PCDHGA2: variants seen among roughly 807,000 people sequenced by gnomAD.
PCDHGA2 encodes the protein protocadherin gamma subfamily A, 2.
Under a neutral mutation model 59.2 loss-of-function variants are expected in PCDHGA2, and 40 were observed. The observed-to-expected ratio is 0.68, with a 90% CI of 0.52 to 0.88. The LOEUF is 0.88. Ranked by LOEUF, PCDHGA2 falls within the 40% of genes least tolerant of loss-of-function variation. The pLI, the probability that PCDHGA2 is intolerant of heterozygous loss-of-function variation, is 0.00. For synonymous variants in PCDHGA2, 560 were observed against 526.0 expected, an observed-to-expected ratio of 1.06 and a Z score of -0.89; for missense variants, 1,226 against 1,204.0, an observed-to-expected ratio of 1.02 and a Z score of -0.27.
chr5:141,471,058 T>C (rs991869999), intron 1 of PCDHGA2, among the ~76,000 whole-genome samples: 2 of 149,826 alleles, frequency 1.3e-5, no homozygotes, highest in Non-Finnish European at 3.0e-5. Context: ...TTTTTTTTTT[T>C]TTTTTTTTGA....
At chr5:141,424,491 G>T (rs2096824224) in intron 1 of PCDHGA2, 1 of 152,122 alleles carries the variant, frequency 6.6e-6, no homozygotes, top group South Asian at 2.1e-4. Context: ...GTCTGTGTTT[G>T]TATGTATGGA....
Position 141,346,502 on chromosome 5 carries a change from T to C in PCDHGA2, c.2424+5107T>C, listed in dbSNP as rs574431225. On this transcript the variant is annotated intron_variant, in intron 1 of 3. Transcript: ENST00000394576. ...TGATTATTAAGAACAAATATGAGAA[T>C]GTGGTTATTATAAAGCTTTAACACA... 2.5e-5 allele frequency: 41 copies of C among 1,610,812 alleles called. No individual in the cohort carries two copies. The East Asian group carries it at 8.7e-4, about 34-fold the overall frequency.
intron 1 of PCDHGA2, chr5:141,357,628 C>A (rs1335077514): frequency 2.5e-6 from 4 of 1,613,256 alleles, no homozygotes; most frequent in Non-Finnish European, 2.5e-6. Context: ...TCAGGTGAGT[C>A]AATCTTATAA....
intron 1 of PCDHGA2, chr5:141,362,139 G>A (rs1162182295): frequency 1.2e-6 from 2 of 1,614,030 alleles, no homozygotes; most frequent in Admixed American, 1.7e-5. Flanking sequence ...CGGATAGCCT[G>A]CAAGAGGTAT....
intron 1 of PCDHGA2, among the ~76,000 whole-genome samples, chr5:141,483,322 G>C (rs1325809962): frequency 1.3e-5 from 2 of 152,110 alleles, no homozygotes. Flanking sequence ...TGGGACTGGA[G>C]GCAAAGAGAT....
In PCDHGA2 at chr5:141,477,669, T is replaced by C; in HGVS notation, c.2425-17138T>C. Reference sequence around the variant, plus strand: ...TTCACAATAAATCGTGACAATGGCATAGTGTCATCCTTAGTGCCCCTAGAC... The same window carrying C: ...TTCACAATAAATCGTGACAATGGCACAGTGTCATCCTTAGTGCCCCTAGAC... On this transcript the variant is annotated intron_variant, in intron 1 of 3. Coordinates refer to ENST00000394576, the MANE Select transcript of PCDHGA2 (RefSeq NM_018915.4). This position sits in a 1 kb window ranked among gnomAD's most constrained non-coding sequence, Gnocchi z 4.9. 6.2e-7 allele frequency: 1 copy of C among 1,614,200 alleles called. No individual in the cohort carries two copies. Among genetic ancestry groups the C allele is most frequent in the Non-Finnish European group, 8.5e-7 (1 of 1,180,030 alleles).
chr5:141,379,709 C>G (rs1200100284), intron 1 of PCDHGA2: 1 of 152,094 alleles, frequency 6.6e-6, no homozygotes, highest in Non-Finnish European at 1.5e-5. Context: ...AACATCCTGG[C>G]AGTCATGGAA....
rs1273894927 is a variant in PCDHGA2, at chr5:141,340,034, T to G, written c.1063T>G (p.Ser355Ala). The G allele has an allele frequency of 1.2e-6, 2 of 1,614,064 alleles. No individual in the cohort carries two copies. Among genetic ancestry groups the G allele is most frequent in the Non-Finnish European group, 1.7e-6 (2 of 1,180,042 alleles). Residue 355 changes from serine (S) to alanine (A), a missense_variant, in exon 1 of 4, where the codon TCA becomes GCA. Physicochemically the swap from Ser to Ala is moderately conservative, Grantham distance 99. Transcript: ENST00000394576. ...ATTTTACATGACATCTGCTACTAGCTCAGTTTCTGAAGACTCTCTTCCAGG... is the reference window on the plus strand; with the variant it reads ...ATTTTACATGACATCTGCTACTAGCGCAGTTTCTGAAGACTCTCTTCCAGG... ...PEFYMTSATS[S>A]VSEDSLPGTI...
Position 141,490,672 on chromosome 5 carries a change from G to A in PCDHGA2, c.2425-4135G>A. ...GGGCTCCCTTCTTTGCACTGTGGCT[G>A]CCTCAGATCCAGACACTGGGGATAA... is the stretch of plus-strand genomic sequence containing the variant. On this transcript the variant is annotated intron_variant, in intron 1 of 3. Transcript: ENST00000394576. This position sits in a 1 kb window ranked among gnomAD's most constrained non-coding sequence, Gnocchi z 5.4. 1.2e-6 allele frequency: 2 copies of A among 1,614,114 alleles called. No homozygotes were observed. Among genetic ancestry groups the A allele is most frequent in the Non-Finnish European group, 1.7e-6 (2 of 1,179,996 alleles).
chr5:141,384,471 G>T lies in PCDHGA2; in HGVS notation c.2424+43076G>T, dbSNP rs200621761. On this transcript the variant is annotated intron_variant, in intron 1 of 3. Coordinates refer to ENST00000394576, the MANE Select transcript of PCDHGA2 (RefSeq NM_018915.4). ...CGCTGCAATCCTTTGATTATGAGCA[G>T]TTGAGAGAACTACAACTAAGAGTGA... The T allele has an allele frequency of 1.4e-4, 226 of 1,614,000 alleles. No homozygotes were observed. The highest frequency in any genetic ancestry group is 4.2e-4 in the Admixed American group (25 of 60,010).
intron 1 of PCDHGA2, chr5:141,415,642 A>T (rs1418546981): frequency 6.0e-6 from 5 of 831,836 alleles, no homozygotes; most frequent in Middle Eastern, 2.6e-4. Flanking sequence ...TACTTTTGTT[A>T]AAAAAAAAAA....
rs1283688342 is a variant in PCDHGA2, at chr5:141,437,688, T to G, written c.2425-57119T>G. On this transcript the variant is annotated intron_variant, in intron 1 of 3. Transcript: ENST00000394576. ...GAGATGTTGATCAAACTGATGAGGCTAAATCTCAAGAAAGAGACACAGTTA... is the reference window on the plus strand; with the variant it reads ...GAGATGTTGATCAAACTGATGAGGCGAAATCTCAAGAAAGAGACACAGTTA... Among the ~76,000 whole-genome samples the G allele has an allele frequency of 4.0e-5, 6 of 151,890 alleles. 1 individual carries two copies. The East Asian group carries it at 1.2e-3, about 29-fold the overall frequency.
chr5:141,394,194 A>C (rs919478906), intron 1 of PCDHGA2: 3 of 1,613,842 alleles, frequency 1.9e-6, no homozygotes, highest in Non-Finnish European at 2.5e-6. Flanking sequence ...CTCAGCGTAT[A>C]TCCTAGAGAA....
intron 1 of PCDHGA2, chr5:141,428,390 C>T (rs1043799152): frequency 8.0e-5 from 40 of 502,004 alleles, no homozygotes; most frequent in African/African-American, 6.6e-4. Context: ...TCTTCCAGCC[C>T]CTCTGCCTGG....
chr5:141,428,057 G>C (rs766786963), intron 1 of PCDHGA2: 2 of 1,609,044 alleles, frequency 1.2e-6, no homozygotes, highest in East Asian at 2.2e-5. Flanking sequence ...AGGTGGTGGC[G>C]GTGGACGCAG....
At chr5:141,462,990 A>G (rs181384059) in intron 1 of PCDHGA2, among the ~76,000 whole-genome samples, 1 of 152,126 alleles carries the variant, frequency 6.6e-6, no homozygotes, top group Non-Finnish European at 1.5e-5. Flanking sequence ...GCCTTGGGCT[A>G]ATTTAGACCT....
chr5:141,456,275 G>A (rs1234663731), intron 1 of PCDHGA2, among the ~76,000 whole-genome samples: 1 of 152,142 alleles, frequency 6.6e-6, no homozygotes, highest in Non-Finnish European at 1.5e-5. Flanking sequence ...GCTACTTCCT[G>A]CTGAAAAGGG....
At chr5:141,402,087 A>G (rs1388054772) in intron 1 of PCDHGA2, among the ~76,000 whole-genome samples, 1 of 152,224 alleles carries the variant, frequency 6.6e-6, no homozygotes, top group Non-Finnish European at 1.5e-5. Context: ...GAAATAGCAG[A>G]AAAGTTTAAG....
At chr5:141,442,682 T>C (rs1591733469) in intron 1 of PCDHGA2, among the ~76,000 whole-genome samples, 1 of 152,218 alleles carries the variant, frequency 6.6e-6, no homozygotes, top group East Asian at 1.9e-4. Context: ...TGAGGGACAG[T>C]AGTCAGGCAG....
Sources: allele counts gnomAD v4.1 joint callset (sites outside exome capture counted in the v4.1 genomes callset), GRCh38; gene constraint gnomAD v4.1.1; non-coding constraint Gnocchi (gnomAD v3.1); transcripts MANE v1.5; gene names NCBI Gene and HGNC (gene_info 2026-07-23, HGNC 2026-07-21).